Variants in EP300 observed in about 807,000 individuals in gnomAD.
The protein encoded by EP300 is histone acetyltransferase p300.
Under a neutral mutation model 264.0 loss-of-function variants are expected in EP300, and 31 were observed. That is an observed-to-expected ratio of 0.12 (90% CI 0.09 to 0.16). The LOEUF (loss-of-function observed/expected upper bound fraction) is 0.16. EP300 is among the 10% of genes least tolerant of loss of function. The pLI is 1.00. For missense variants in EP300, 2,766 were observed against 3,052.9 expected (o/e 0.91, Z 2.21); for synonymous variants, 1,340 against 1,045.4 (o/e 1.28, Z -5.44).
Position 41,178,612 on chromosome 22 carries a change from A to C in EP300, c.6901A>C (p.Asn2301His). The change falls in exon 31 of 31, where the codon AAT becomes CAT. Residue 2301 changes from asparagine to histidine, a missense_variant. By Grantham distance (68) the Asn-to-His change is moderately conservative. Transcript: ENST00000263253. ...ACACCTACAAGGCCAGCAGATCCCT[A>C]ATTCTCTCTCCAATCAAGTGCGCTC... ...SPHLQGQQIP[N>H]SLSNQVRSPQ... 6.2e-7 allele frequency: 1 copy of C among 1,613,904 alleles called. No individual in the cohort carries two copies. Among genetic ancestry groups the C allele is most frequent in the Non-Finnish European group, 8.5e-7 (1 of 1,179,946 alleles).
chr22:41,145,556 A>G (rs182462552), intron 10 of EP300, among the ~76,000 whole-genome samples: 49 of 152,360 alleles, frequency 3.2e-4, no homozygotes, highest in African/African-American at 9.9e-4. Flanking sequence ...TCTGTGCACT[A>G]TGTTGAAAGT....
chr22:41,161,334 C>G (rs1447949285), intron 20 of EP300, among the ~76,000 whole-genome samples: 1 of 152,216 alleles, frequency 6.6e-6, no homozygotes, highest in Admixed American at 6.5e-5. Flanking sequence ...AGTTTAATCT[C>G]TGGCCAGGCG....
rs2145519454 is a variant in EP300, at chr22:41,177,833, T to A, written c.6122T>A (p.Leu2041His). 6.2e-7 allele frequency: 1 copy of A among 1,614,078 alleles called. No homozygotes were observed. Among genetic ancestry groups the A allele is most frequent in the Non-Finnish European group, 8.5e-7 (1 of 1,180,010 alleles). Residue 2041 changes from leucine to histidine, a missense_variant, in exon 31 of 31, where the codon CTC becomes CAC. Coordinates refer to ENST00000263253, the MANE Select transcript of EP300 (RefSeq NM_001429.4). ...PGLGQVGISPLKPGTVSQQAL... is the reference protein window; with the variant it reads ...PGLGQVGISPHKPGTVSQQAL... The stretch of plus-strand genomic sequence containing the variant: ...TTGGGCCAGGTAGGTATCAGCCCAC[T>A]CAAACCAGGCACTGTGTCTCAACAA...
intron 2 of EP300, among the ~76,000 whole-genome samples, chr22:41,124,036 T>C (rs2145705093): frequency 6.6e-6 from 1 of 151,694 alleles, no homozygotes; most frequent in East Asian, 2.0e-4. Flanking sequence ...TCACTTGAGG[T>C]CAGGAGTTCA....
At chr22:41,140,963 A>G in intron 9 of EP300, 85 bp from the exon 10 acceptor site, 3 of 1,287,150 alleles carry the variant, frequency 2.3e-6, no homozygotes, top group East Asian at 2.5e-5. Flanking sequence ...TGAAACTAAT[A>G]TCTATTCTCA....
At chr22:41,142,800 A>T (rs1467612148) in intron 10 of EP300, among the ~76,000 whole-genome samples, 1 of 151,984 alleles carries the variant, frequency 6.6e-6, no homozygotes, top group Non-Finnish European at 1.5e-5. Flanking sequence ...GCAGGAGAAC[A>T]GTGTGAACCC....
intron 27 of EP300, among the ~76,000 whole-genome samples, chr22:41,171,102 A>G (rs557968813): frequency 5.3e-5 from 8 of 151,584 alleles, no homozygotes; most frequent in African/African-American, 1.9e-4. Context: ...AGAGCGGTAG[A>G]TCAAGAAATC....
Position 41,177,713 on chromosome 22 carries a change from C to T in EP300, c.6002C>T (p.Pro2001Leu), listed in dbSNP as rs145026388. The T allele has an allele frequency of 3.7e-6, 6 of 1,613,714 alleles. No homozygotes were observed. Among genetic ancestry groups the T allele is most frequent in the African/African-American group, 1.3e-5 (1 of 74,896 alleles). The change falls in exon 31 of 31, where the codon CCT becomes CTT. Residue 2001 changes from proline (P) to leucine (L), a missense_variant. By Grantham distance (98) the Pro-to-Leu change is moderately conservative. Transcript: ENST00000263253. The stretch of plus-strand genomic sequence containing the variant: ...CCACCCTGGAGCCAAGGAGGATTGC[C>T]TCAGCCCCAGCAACTACAGTCTGGG... ...QQPPWSQGGL[P>L]QPQQLQSGMP...
chr22:41,173,837 C>T (rs1293264315), intron 29 of EP300, 53 bp downstream of exon 29: 14 of 1,606,838 alleles, frequency 8.7e-6, no homozygotes, highest in South Asian at 4.4e-5. Context: ...TCTGGCCAGG[C>T]ATGGTGGCTC....
chr22:41,178,898 G>C lies in EP300; in HGVS notation c.7187G>C (p.Ser2396Thr). 1 of 1,614,194 alleles carries C rather than the reference G, an allele frequency of 6.2e-7. No individual in the cohort carries two copies. The highest frequency in any genetic ancestry group is 1.1e-5 in the South Asian group (1 of 91,088). The change falls in exon 31 of 31, where the codon AGC becomes ACC. Residue 2396 changes from serine to threonine, a missense_variant. Ser to Thr is a moderately conservative substitution (Grantham distance 58). Coordinates refer to ENST00000263253, the MANE Select transcript of EP300 (RefSeq NM_001429.4). ...HGASATDLGL[S>T]TDNSDLNSNL... ...GCAAGCGCCACGGACCTGGGACTCA[G>C]CACCGATAACTCAGACTTGAATTCA...
At chr22:41,157,607 T>C (rs774219327) in intron 18 of EP300, among the ~76,000 whole-genome samples, 199 bp downstream of exon 18, 2 of 142,738 alleles carry the variant, frequency 1.4e-5, no homozygotes, top group African/African-American at 5.2e-5. Context: ...AGCTTCAACC[T>C]CCTGGGCTCA....
At chr22:41,148,007 T>C in intron 12 of EP300, 61 bp downstream of exon 12, 1 of 1,140,328 alleles carries the variant, frequency 8.8e-7, no homozygotes, top group Non-Finnish European at 1.3e-6. Flanking sequence ...AAATCCTGTT[T>C]GTTCCTACTT....
intron 22 of EP300, among the ~76,000 whole-genome samples, chr22:41,165,902 A>G (rs571034322): frequency 2.6e-4 from 40 of 152,080 alleles, no homozygotes; most frequent in Non-Finnish European, 4.9e-4. Flanking sequence ...CTCCTGCCTC[A>G]GCCTCTCGAG....
chr22:41,117,812 G>A lies in EP300; in HGVS notation c.720G>A (p.Gln240=), dbSNP rs1157980226. 1 of 1,614,000 alleles carries A rather than the reference G, an allele frequency of 6.2e-7. No individual in the cohort carries two copies. The change falls in exon 2 of 31, where the codon CAG becomes CAA. Residue 240 remains glutamine (Q), a synonymous_variant. Transcript: ENST00000263253. ...MGGQTGLRGP[Q]PLKMGMMNNP... is the part of the protein sequence containing the mutation. ...GACAAACAGGATTGAGAGGCCCCCA[G>A]CCTCTTAAGGTAAGTACAGTTTTGG...
intron 1 of EP300, among the ~76,000 whole-genome samples, chr22:41,103,431 C>T (rs1384479783): frequency 6.6e-6 from 1 of 152,106 alleles, no homozygotes; most frequent in Non-Finnish European, 1.5e-5. Flanking sequence ...TATACATGTC[C>T]ACACAGTTTT....
rs145739685 is a variant in EP300 at position 41,131,561 on chromosome 22, G to A, written c.1456G>A (p.Val486Met). ...QVNQMPTQPQ[V>M]QAKNQQNQQP... is the part of the protein sequence containing the mutation. ...AAATCAGATGCCGACACAACCCCAG[G>A]TGCAAGCAAAGAACCAGCAGAATCA... is the stretch of plus-strand genomic sequence containing the variant. The change falls in exon 6 of 31, where the codon GTG becomes ATG. Residue 486 changes from valine (V) to methionine (M), a missense_variant. Coordinates refer to ENST00000263253, the MANE Select transcript of EP300 (RefSeq NM_001429.4). 8.7e-6 allele frequency: 14 copies of A among 1,613,910 alleles called. No homozygotes were observed. In the African/African-American group the frequency reaches 1.5e-4, roughly 17 times the overall value.
chr22:41,178,963 C>T lies in EP300; in HGVS notation c.*7C>T, dbSNP rs936561690. ...TACACTAGACATACACTAGAGACAC[C>T]TTGTAGTATTTTGGGAGCAAAAAAA... is the stretch of plus-strand genomic sequence containing the variant. On this transcript the variant is annotated 3_prime_UTR_variant, in exon 31 of 31. Coordinates refer to ENST00000263253, the MANE Select transcript of EP300 (RefSeq NM_001429.4). 7 of 1,601,666 alleles carry T rather than the reference C, an allele frequency of 4.4e-6. No individual in the cohort carries two copies. In the Admixed American group the frequency reaches 7.1e-5, roughly 16 times the overall value.
Position 41,179,089 on chromosome 22 carries a change from T to A in EP300, c.*133T>A. ...CTTGGAACACATAAGAACTGTGCAG[T>A]AGCCGTTTGTGGTTTAAAGCAAACA... On this transcript the variant is annotated 3_prime_UTR_variant, in exon 31 of 31. Transcript: ENST00000263253. 1 of 1,007,600 alleles carries A rather than the reference T, an allele frequency of 9.9e-7. No homozygotes were observed. Among genetic ancestry groups the A allele is most frequent in the Non-Finnish European group, 1.4e-6 (1 of 689,754 alleles). The allele number at this position is 1,007,600 out of a possible 1,614,324, so 62.4% of individuals were successfully genotyped here. A position where few individuals can be genotyped will look rare whatever the true frequency, so the allele number is the denominator to read the frequency against.
chr22:41,097,993 T>TA (rs1257611989), intron 1 of EP300, among the ~76,000 whole-genome samples: 1 of 140,674 alleles, frequency 7.1e-6, no homozygotes, highest in African/African-American at 2.6e-5. Flanking sequence ...CGCGCCCAGC[T>TA]AAAAATTTTT....
Sources: allele counts gnomAD v4.1 joint callset (sites outside exome capture counted in the v4.1 genomes callset), GRCh38; gene constraint gnomAD v4.1.1; transcripts MANE v1.5; gene names NCBI Gene and HGNC (gene_info 2026-07-23, HGNC 2026-07-21).